Variants in TBC1D32 observed in about 807,000 individuals in gnomAD.
The protein encoded by TBC1D32 is protein broad-minded.
In TBC1D32, 151 loss-of-function variants were observed where a neutral mutation model predicts 170.3. That is an observed-to-expected ratio of 0.89 (90% CI 0.78 to 1.01). TBC1D32 has a LOEUF of 1.01. Among genes scored for constraint, TBC1D32 ranks in the 50% least tolerant of loss-of-function variants. TBC1D32 has a pLI of 0.00. For synonymous variants in TBC1D32, 498 were observed against 488.0 expected (o/e 1.02, Z -0.27); for missense variants, 1,464 against 1,457.1 (o/e 1.00, Z -0.08).
At position 121,123,077 on chromosome 6, in the gene TBC1D32, A is replaced by T. The variant is rs111621361; in HGVS notation, c.2983+3301T>A. ...AACCAGACTCCAAGTAGAGATATCA[A>T]CTAAAAAGGTTATTATGACAACTTC... On this transcript the variant is annotated intron_variant, in intron 26 of 31. Coordinates refer to ENST00000398212, the MANE Select transcript of TBC1D32 (RefSeq NM_152730.6). Among the ~76,000 whole-genome samples the T allele has an allele frequency of 3.1e-3, 470 of 152,230 alleles. 4 individuals are homozygous for T. The highest frequency in any genetic ancestry group is 0.011 in the African/African-American group (455 of 41,570).
chr6:121,121,074 T>G (rs983562204), intron 26 of TBC1D32, among the ~76,000 whole-genome samples: 21 of 152,018 alleles, frequency 1.4e-4, no homozygotes, highest in African/African-American at 5.1e-4. Flanking sequence ...AATCTCATAT[T>G]GAAGATACAA....
At chr6:121,310,051 A>AT (rs1807943417) in intron 4 of TBC1D32, among the ~76,000 whole-genome samples, 1 of 151,706 alleles carries the variant, frequency 6.6e-6, no homozygotes, top group Non-Finnish European at 1.5e-5. Context: ...ATATATATAT[A>AT]AAATTTTTCT....
chr6:121,097,006 G>T (rs1238907742), intron 30 of TBC1D32, among the ~76,000 whole-genome samples: 1 of 152,108 alleles, frequency 6.6e-6, no homozygotes, highest in Non-Finnish European at 1.5e-5. Flanking sequence ...GCAGAAAACT[G>T]AAACTGGACC....
In TBC1D32 at chr6:121,161,043, C is replaced by T; in HGVS notation, c.2584G>A (p.Asp862Asn). ...HIFGLRDFII[D>N]GLSVERNHVL... is the part of the protein sequence containing the mutation. The stretch of plus-strand genomic sequence containing the variant: ...TGATTTCTCTCCACTGATAAGCCAT[C>T]AATTATAAAGTCCCTGAAAAAATAA... The change falls in exon 23 of 32, where the codon GAT becomes AAT. Residue 862 changes from aspartate to asparagine, a missense_variant. Coordinates refer to ENST00000398212, the MANE Select transcript of TBC1D32 (RefSeq NM_152730.6). The T allele has an allele frequency of 1.9e-6, 3 of 1,611,500 alleles. No homozygotes were observed. The highest frequency in any genetic ancestry group is 1.7e-6 in the Non-Finnish European group (2 of 1,178,784).
chr6:121,145,476 G>A (rs1024228239), intron 24 of TBC1D32, among the ~76,000 whole-genome samples: 5 of 152,038 alleles, frequency 3.3e-5, no homozygotes. Flanking sequence ...GGTATTGGGG[G>A]AGATGGTCCA....
At chr6:121,135,030 C>T (rs1781889205) in intron 24 of TBC1D32, among the ~76,000 whole-genome samples, 1 of 152,092 alleles carries the variant, frequency 6.6e-6, no homozygotes, top group African/African-American at 2.4e-5. Context: ...AAAGTGCAGC[C>T]TACAAGTAGG....
At chr6:121,215,373 G>A (rs934946208) in intron 21 of TBC1D32, among the ~76,000 whole-genome samples, 1 of 152,206 alleles carries the variant, frequency 6.6e-6, no homozygotes, top group Non-Finnish European at 1.5e-5. Flanking sequence ...CCAGCATCAT[G>A]GGGCATGCAG....
chr6:121,269,428 A>C (rs976042161), intron 15 of TBC1D32, among the ~76,000 whole-genome samples: 6 of 119,616 alleles, frequency 5.0e-5, no homozygotes, highest in African/African-American at 1.5e-4. Context: ...TCTACCAAGC[A>C]AATGGAAAAC....
At chr6:121,241,413 G>T in intron 19 of TBC1D32, 52 bp downstream of exon 19, 1 of 1,474,022 alleles carries the variant, frequency 6.8e-7, no homozygotes. Context: ...CAGTTGGCTT[G>T]CTCATTTTAT....
chr6:121,213,503 AT>A (rs1793386351), intron 21 of TBC1D32, among the ~76,000 whole-genome samples: 1 of 7,962 alleles, frequency 1.3e-4, no homozygotes, highest in East Asian at 9.8e-3. Flanking sequence ...ATAAAATAAA[AT>A]AAAATAAAAT....
At chr6:121,212,579 T>A (rs562027915) in intron 21 of TBC1D32, among the ~76,000 whole-genome samples, 1 of 151,534 alleles carries the variant, frequency 6.6e-6, no homozygotes, top group East Asian at 2.0e-4. Flanking sequence ...CTCAGCATCC[T>A]GGGTAGCTGG....
chr6:121,101,236 A>C (rs1023840364), intron 30 of TBC1D32, among the ~76,000 whole-genome samples: 10 of 152,158 alleles, frequency 6.6e-5, no homozygotes, highest in Non-Finnish European at 1.0e-4. Flanking sequence ...AACTCATTTT[A>C]TGAGGCCAGC....
At chr6:121,247,711 A>AAAAAAAAAAAAAC (rs1310545426) in intron 17 of TBC1D32, among the ~76,000 whole-genome samples, 1 of 148,374 alleles carries the variant, frequency 6.7e-6, no homozygotes, top group Non-Finnish European at 1.5e-5. Flanking sequence ...AAAAAAAAAA[A>AAAAAAAAAAAAAC]AAAAAAAGAC....
At chr6:121,232,190 C>T (rs2128342231) in intron 20 of TBC1D32, among the ~76,000 whole-genome samples, 1 of 152,090 alleles carries the variant, frequency 6.6e-6, no homozygotes. Context: ...GGTATACTTA[C>T]CACTTTATGT....
At chr6:121,086,707 T>C (rs1022985673) in intron 31 of TBC1D32, among the ~76,000 whole-genome samples, 2 of 152,206 alleles carry the variant, frequency 1.3e-5, no homozygotes, top group Non-Finnish European at 2.9e-5. Flanking sequence ...TAGGCTGGTA[T>C]GTCAGTGAAG....
rs35019014 is a variant in TBC1D32 at position 121,147,918 on chromosome 6, C to CTTTTT, written c.2773+12087_2773+12091dup. On this transcript the variant is annotated intron_variant, in intron 24 of 31. Transcript: ENST00000398212. ...CATATTATTTTTGTAACTTGTATGT[C>CTTTTT]TTTTTTTTTTTTTTTGAGAAGTATC... Among the ~76,000 whole-genome samples the CTTTTT allele has an allele frequency of 8.1e-3, 1,109 of 136,728 alleles. 17 individuals are homozygous for CTTTTT. The highest frequency in any genetic ancestry group is 0.037 in the South Asian group (154 of 4,214). 89.7% of individuals were successfully genotyped at this position (136,728 alleles called of 152,430 possible).
At chr6:121,209,022 A>G (rs1237541991) in intron 21 of TBC1D32, among the ~76,000 whole-genome samples, 2 of 152,188 alleles carry the variant, frequency 1.3e-5, no homozygotes, top group Non-Finnish European at 2.9e-5. Flanking sequence ...AATACCATCT[A>G]GAGAAGAAGA....
chr6:121,175,034 A>AC (rs1322953699), intron 22 of TBC1D32, among the ~76,000 whole-genome samples: 3 of 151,742 alleles, frequency 2.0e-5, no homozygotes, highest in Non-Finnish European at 2.9e-5. Flanking sequence ...AAAAAAAAAA[A>AC]AAAACTGATA....
intron 22 of TBC1D32, among the ~76,000 whole-genome samples, chr6:121,184,853 T>A (rs1227999782): frequency 6.6e-6 from 1 of 151,914 alleles, no homozygotes; most frequent in Non-Finnish European, 1.5e-5. Flanking sequence ...TTGCACATAA[T>A]CCCATTCAAG....
Sources: gnomAD v4.1 joint callset for allele counts (sites outside exome capture counted in the v4.1 genomes callset) on GRCh38, gnomAD v4.1.1 for gene constraint, MANE v1.5 for transcripts, NCBI Gene and HGNC (gene_info 2026-07-23, HGNC 2026-07-21) for gene names.